GSE1: variants seen among roughly 807,000 people sequenced by gnomAD.
The protein encoded by GSE1 is genetic suppressor element 1.
GSE1 carries 32 observed loss-of-function variants against 112.6 expected under a neutral mutation model. The ratio of observed to expected loss-of-function variants is 0.28; its 90% CI spans 0.21 to 0.38. The LOEUF (loss-of-function observed/expected upper bound fraction) is 0.38. GSE1 is among the 10% of genes least tolerant of loss of function. The pLI, the probability that GSE1 is intolerant of heterozygous loss-of-function variation, is 1.00. For missense variants in GSE1, 2,348 were observed against 1,699.2 expected (o/e 1.38, Z -6.71); for synonymous variants, 1,115 against 735.6 (o/e 1.52, Z -8.35).
chr16:85,371,101 TCTC>T (rs1410672049), intron 2 of GSE1, among the ~76,000 whole-genome samples: 4 of 152,116 alleles, frequency 2.6e-5, no homozygotes, highest in Admixed American at 6.5e-5. Flanking sequence ...GGCGTCCTCT[TCTC>T]CTCCCACCCT....
At chr16:85,499,796 C>G (rs2051302665) in intron 2 of GSE1, among the ~76,000 whole-genome samples, 1 of 152,168 alleles carries the variant, frequency 6.6e-6, no homozygotes, top group African/African-American at 2.4e-5. Context: ...AGGTCAGCCC[C>G]CAAACATAAA....
intron 2 of GSE1, among the ~76,000 whole-genome samples, chr16:85,423,519 T>C (rs1039297894): frequency 6.6e-6 from 1 of 152,078 alleles, no homozygotes; most frequent in Non-Finnish European, 1.5e-5. Flanking sequence ...AGCCAGGGCC[T>C]CAACACAGGC....
At position 85,349,100 on chromosome 16, in the gene GSE1, G is replaced by T. The variant is rs367911408; in HGVS notation, c.2284-8363G>T. Reference sequence around the variant, plus strand: ...TAGTCCCTGATTACTCATTTGCCGGGTGCTGTGTGTATTCCATATCTAATA... The same window carrying T: ...TAGTCCCTGATTACTCATTTGCCGGTTGCTGTGTGTATTCCATATCTAATA... On this transcript the variant is annotated intron_variant, in intron 1 of 2. Transcript: ENST00000637419. Among the ~76,000 whole-genome samples, 5 of 152,182 alleles carry T rather than the reference G, an allele frequency of 3.3e-5. No homozygotes were observed. The East Asian group carries it at 7.7e-4, about 23-fold the overall frequency.
At chr16:85,191,731 C>G (rs935736985) in intron 1 of GSE1, among the ~76,000 whole-genome samples, 1 of 152,212 alleles carries the variant, frequency 6.6e-6, no homozygotes, top group East Asian at 1.9e-4. Context: ...GAGGCCGGAA[C>G]TTATCCCTCA....
At chr16:85,658,723 T>C (rs1396387467) in intron 8 of GSE1, among the ~76,000 whole-genome samples, 1 of 152,204 alleles carries the variant, frequency 6.6e-6, no homozygotes, top group Non-Finnish European at 1.5e-5. Context: ...CAGCCTTGCC[T>C]ACTACCCAGA....
In GSE1 at chr16:85,674,212, T is replaced by C. The variant is rs1203967392; in HGVS notation, c.*1673T>C. ...ACTGCTGTGACCAGCAGCCGAGCCC[T>C]TGGCCCTAGCCCTTGCTGCGCAGAA... On this transcript the variant is annotated 3_prime_UTR_variant, in exon 16 of 16. Coordinates refer to ENST00000253458, the MANE Select transcript of GSE1 (RefSeq NM_014615.5). The C allele has an allele frequency of 6.6e-6, 1 of 152,296 alleles. No homozygotes were observed. Among genetic ancestry groups the C allele is most frequent in the Non-Finnish European group, 1.5e-5 (1 of 68,118 alleles). 9.4% of individuals were successfully genotyped at this position (152,296 alleles called of 1,614,324 possible).
At chr16:85,379,820 C>G (rs62048515) in intron 2 of GSE1, among the ~76,000 whole-genome samples, 21,876 of 152,256 alleles carry the variant, frequency 0.14, 1,700 homozygotes, top group Non-Finnish European at 0.17. Flanking sequence ...GATCGCTGTG[C>G]TCCTCCCCCA....
At chr16:85,574,086 C>G (rs2046121672) in intron 1 of GSE1, among the ~76,000 whole-genome samples, 2 of 152,164 alleles carry the variant, frequency 1.3e-5, no homozygotes, top group Admixed American at 1.3e-4. Flanking sequence ...GGCCTCCCGT[C>G]TGGTCCTGAC....
chr16:85,671,570 C>T (rs1451229239), intron 15 of GSE1, among the ~76,000 whole-genome samples: 5 of 152,248 alleles, frequency 3.3e-5, no homozygotes, highest in South Asian at 2.1e-4. Flanking sequence ...GCTCTGACCA[C>T]ACCAGTGCAC....
At chr16:85,494,643 A>C (rs1256050612) in intron 2 of GSE1, among the ~76,000 whole-genome samples, 2 of 151,370 alleles carry the variant, frequency 1.3e-5, no homozygotes, top group Non-Finnish European at 2.9e-5. Context: ...GACTCAAGCA[A>C]CCCTCCCTCC....
chr16:85,532,220 G>A (rs2044161643), intron 2 of GSE1, among the ~76,000 whole-genome samples: 1 of 152,152 alleles, frequency 6.6e-6, no homozygotes. Flanking sequence ...GCACGTAGGA[G>A]TATGCCTAAG....
In GSE1 at chr16:85,671,072, G is replaced by A. The variant is rs935820891; in HGVS notation, c.3493G>A (p.Ala1165Thr). The A allele has an allele frequency of 6.2e-7, 1 of 1,607,916 alleles. No homozygotes were observed. Among genetic ancestry groups the A allele is most frequent in the Non-Finnish European group, 8.5e-7 (1 of 1,174,462 alleles). ...CCGGCACTACAGCCTCAGCCTGACG[G>A]CAGAGCAGCTCTCCCACAGCGTGGC... ...EARHYSLSLTAEQLSHSVAEL... is the reference protein window; with the variant it reads ...EARHYSLSLTTEQLSHSVAEL... Residue 1165 changes from alanine (A) to threonine (T), a missense_variant, in exon 15 of 16, where the codon GCA (alanine) becomes ACA (threonine). Ala to Thr is a moderately conservative substitution (Grantham distance 58, BLOSUM62 0). Coordinates refer to ENST00000253458, the MANE Select transcript of GSE1 (RefSeq NM_014615.5).
rs565167516 is a variant in GSE1 at position 85,227,471 on chromosome 16, C to T, written c.2283+55664C>T. ...CTTTTGAGGGATGTGCAGGAGTTGA[C>T]TGGGTGGGTGAGAGATAAAGGGCGA... On this transcript the variant is annotated intron_variant, in intron 1 of 2. Coordinates refer to the GSE1 transcript ENST00000637419. 3.3e-5 allele frequency among the ~76,000 whole-genome samples: 5 copies of T among 152,284 alleles called. No individual in the cohort carries two copies. The South Asian group carries it at 6.2e-4, about 19-fold the overall frequency.
intron 1 of GSE1, among the ~76,000 whole-genome samples, chr16:85,565,963 C>T (rs2045729948): frequency 6.6e-6 from 1 of 152,206 alleles, no homozygotes; most frequent in Non-Finnish European, 1.5e-5. Flanking sequence ...GGGTTCCATC[C>T]TGCCTCTGCT....
chr16:85,331,355 G>T (rs1312837357), intron 1 of GSE1, among the ~76,000 whole-genome samples: 2 of 57,376 alleles, frequency 3.5e-5, no homozygotes, highest in Admixed American at 2.0e-4. Flanking sequence ...GTGTGTGTGT[G>T]TGTGTGTGTG....
At chr16:85,387,397 T>C (rs2047711689) in intron 2 of GSE1, among the ~76,000 whole-genome samples, 1 of 151,560 alleles carries the variant, frequency 6.6e-6, no homozygotes, top group African/African-American at 2.4e-5. Flanking sequence ...GCTGAAGCCG[T>C]TGTGGCTCCT....
intron 2 of GSE1, among the ~76,000 whole-genome samples, chr16:85,495,442 TTTATTTA>T (rs2051141973): frequency 6.9e-6 from 1 of 144,094 alleles, no homozygotes; most frequent in Admixed American, 6.7e-5. Context: ...TATTTATTTA[TTTATTTA>T]TTTATTTATT....
intron 2 of GSE1, among the ~76,000 whole-genome samples, chr16:85,536,560 G>A (rs187777113): frequency 1.3e-5 from 2 of 152,300 alleles, no homozygotes; most frequent in East Asian, 1.9e-4. Context: ...CTGGGCCTCC[G>A]CTGTGTTTCA....
chr16:85,614,397 T>TGCGC (rs2048233015), intron 1 of GSE1, among the ~76,000 whole-genome samples: 1 of 151,844 alleles, frequency 6.6e-6, no homozygotes, highest in Non-Finnish European at 1.5e-5. Context: ...TCACCCTCCC[T>TGCGC]GCGCCCGCCC....
Sources: gnomAD v4.1 joint callset for allele counts (sites outside exome capture counted in the v4.1 genomes callset) on GRCh38, gnomAD v4.1.1 for gene constraint, MANE v1.5 for transcripts, NCBI Gene and HGNC (gene_info 2026-07-23, HGNC 2026-07-21) for gene names.